PEAK1: variants seen among roughly 807,000 people sequenced by gnomAD.
PEAK1 encodes the protein inactive tyrosine-protein kinase PEAK1.
Under a neutral mutation model 124.7 loss-of-function variants are expected in PEAK1, and 54 were observed. The ratio of observed to expected loss-of-function variants is 0.43; its 90% CI spans 0.35 to 0.54. The LOEUF is 0.54. Among genes scored for constraint, PEAK1 ranks in the 20% least tolerant of loss-of-function variants. The pLI is 0.01. For synonymous variants in PEAK1, 719 were observed against 760.0 expected, an observed-to-expected ratio of 0.95 and a Z score of 0.89; for missense variants, 2,046 against 2,134.5, an observed-to-expected ratio of 0.96 and a Z score of 0.82.
In PEAK1 at chr15:77,180,820, T is replaced by A. The variant is rs748727838; in HGVS notation, c.1107A>T (p.Leu369Phe). ...SLSQKICNGG[L>F]SPGNPGDSKD... Reference sequence around the variant, plus strand: ...TAGAATCTCCTGGGTTACCAGGAGATAATCCCCCATTACAAATCTTCTGGG... The same window carrying A: ...TAGAATCTCCTGGGTTACCAGGAGAAAATCCCCCATTACAAATCTTCTGGG... Residue 369 changes from leucine to phenylalanine, a missense_variant, in exon 7 of 10, where the codon TTA (leucine) becomes TTT (phenylalanine). Transcript: ENST00000682557. 2.5e-5 allele frequency: 41 copies of A among 1,613,878 alleles called. No individual in the cohort carries two copies. The Admixed American group carries it at 6.7e-4, about 26-fold the overall frequency.
At chr15:77,251,460 T>C (rs2060878465) in intron 6 of PEAK1, among the ~76,000 whole-genome samples, 1 of 151,972 alleles carries the variant, frequency 6.6e-6, no homozygotes, top group Admixed American at 6.6e-5. Flanking sequence ...GGCAAAAGAG[T>C]AAATAAAGAT....
intron 5 of PEAK1, among the ~76,000 whole-genome samples, chr15:77,260,142 A>G (rs763134285): frequency 6.6e-6 from 1 of 152,148 alleles, no homozygotes; most frequent in Non-Finnish European, 1.5e-5. Flanking sequence ...CAAATATACA[A>G]AGCAATCAGC....
chr15:77,332,011 C>T (rs181383236), intron 2 of PEAK1: 3 of 186,950 alleles, frequency 1.6e-5, no homozygotes, highest in Non-Finnish European at 2.0e-5. Context: ...CTGAGCCGGG[C>T]GGATCACTTG....
intron 6 of PEAK1, among the ~76,000 whole-genome samples, chr15:77,188,540 GAGA>G (rs1177017103): frequency 6.6e-6 from 1 of 152,148 alleles, no homozygotes; most frequent in African/African-American, 2.4e-5. Context: ...GTATACATCA[GAGA>G]AGAAGTTAAA....
At chr15:77,126,516 A>C (rs2052385589) in intron 9 of PEAK1, among the ~76,000 whole-genome samples, 1 of 151,964 alleles carries the variant, frequency 6.6e-6, no homozygotes, top group Non-Finnish European at 1.5e-5. Context: ...CCTAATGTTA[A>C]GAAAGAATAA....
At chr15:77,152,852 G>C (rs990488320) in intron 8 of PEAK1, among the ~76,000 whole-genome samples, 74 of 152,230 alleles carry the variant, frequency 4.9e-4, no homozygotes, top group Middle Eastern at 3.4e-3. Context: ...CTTGATCATG[G>C]TGGATAAGCT....
chr15:77,193,353 T>C (rs950570833), intron 6 of PEAK1, among the ~76,000 whole-genome samples: 1 of 152,226 alleles, frequency 6.6e-6, no homozygotes, highest in Non-Finnish European at 1.5e-5. Context: ...TTTATTGATC[T>C]TGTTTGTACA....
chr15:77,132,754 A>C (rs541450785), intron 9 of PEAK1, among the ~76,000 whole-genome samples: 4 of 151,922 alleles, frequency 2.6e-5, no homozygotes, highest in East Asian at 3.9e-4. Flanking sequence ...GGTATCTCCA[A>C]GATCCCATAG....
chr15:77,246,049 G>A (rs937151568), intron 6 of PEAK1, among the ~76,000 whole-genome samples: 5 of 150,040 alleles, frequency 3.3e-5, no homozygotes, highest in East Asian at 2.0e-4. Context: ...TCACTCTGTC[G>A]CCAGGCTGGA....
intron 2 of PEAK1, chr15:77,346,266 G>A (rs1402692757): frequency 1.1e-6 from 1 of 931,422 alleles, no homozygotes; most frequent in Non-Finnish European, 1.3e-6. Context: ...AAATGTTGCT[G>A]TCTTGACTCA....
At chr15:77,333,460 T>C (rs984934138) in intron 2 of PEAK1, 1 of 923,626 alleles carries the variant, frequency 1.1e-6, no homozygotes, top group Non-Finnish European at 1.3e-6. Flanking sequence ...CTAACAACTA[T>C]ATAAGCTTAT....
intron 1 of PEAK1, among the ~76,000 whole-genome samples, chr15:77,382,125 A>ATCTATC (rs978443065): frequency 1.1e-4 from 16 of 151,796 alleles, no homozygotes; most frequent in African/African-American, 3.1e-4. Context: ...CCTCCTCTCT[A>ATCTATC]TCTATCTCTA....
At chr15:77,278,534 A>G (rs542593100) in intron 5 of PEAK1, 18 of 491,266 alleles carry the variant, frequency 3.7e-5, no homozygotes, top group South Asian at 2.8e-4. Flanking sequence ...ACCACAGAGA[A>G]GATCTGCAAG....
In PEAK1 at chr15:77,179,907, CTT is replaced by C. The variant is rs2057139310; in HGVS notation, c.2018_2019del (p.Lys673SerfsTer3). ...GTTTTGCTAGTGGTGTTATCAGGCA[CTT>C]TGCTTTCTGTTTCTATTTCTTCATA... ...HTYEEIETES[K>X]VPDNTTSKTT... On this transcript the variant is annotated frameshift_variant, in exon 7 of 10. Transcript: ENST00000682557. LOFTEE classifies it high-confidence loss of function. 6.2e-7 allele frequency: 1 copy of C among 1,614,012 alleles called. No individual in the cohort carries two copies.
At chr15:77,237,817 G>C (rs561321002) in intron 6 of PEAK1, among the ~76,000 whole-genome samples, 1 of 151,856 alleles carries the variant, frequency 6.6e-6, no homozygotes, top group Non-Finnish European at 1.5e-5. Context: ...ATATCTCTTC[G>C]TTTCTTTTAA....
intron 2 of PEAK1, chr15:77,334,278 C>T (rs2066063591): frequency 2.0e-6 from 2 of 984,970 alleles, no homozygotes; most frequent in African/African-American, 1.7e-5. Flanking sequence ...TCTGGTAGAT[C>T]ACTTGTGCAT....
At chr15:77,414,942 C>T (rs2072751080) in intron 1 of PEAK1, among the ~76,000 whole-genome samples, 1 of 152,188 alleles carries the variant, frequency 6.6e-6, no homozygotes, top group Non-Finnish European at 1.5e-5. Context: ...TCATTAATTC[C>T]CTCAACCAAC....
In PEAK1 at chr15:77,346,908, T is replaced by C. The variant is rs993282257; in HGVS notation, c.-603+18255A>G. 1.2e-5 allele frequency: 4 copies of C among 331,140 alleles called. 1 individual carries two copies. Among genetic ancestry groups the C allele is most frequent in the Non-Finnish European group, 1.7e-5 (4 of 232,398 alleles). 20.5% of individuals were successfully genotyped at this position (331,140 alleles called of 1,614,324 possible). On this transcript the variant is annotated intron_variant, in intron 2 of 9. Coordinates refer to ENST00000682557, the MANE Select transcript of PEAK1 (RefSeq NM_001385026.1). ...ATGAGAAATAACAGCTACCAATTAGTGATCTGGTACTAAGAGGAAAACAAA... is the reference window on the plus strand; with the variant it reads ...ATGAGAAATAACAGCTACCAATTAGCGATCTGGTACTAAGAGGAAAACAAA...
chr15:77,419,356 G>T, intron 1 of PEAK1: 1 of 985,292 alleles, frequency 1.0e-6, no homozygotes, highest in South Asian at 4.7e-5. Flanking sequence ...AAGGAGGAAA[G>T]AAAAGTTGCA....
Sources: allele counts gnomAD v4.1 joint callset (sites outside exome capture counted in the v4.1 genomes callset), GRCh38; gene constraint gnomAD v4.1.1; transcripts MANE v1.5; gene names NCBI Gene and HGNC (gene_info 2026-07-23, HGNC 2026-07-21).